Variants in ELOVL5 observed in about 807,000 individuals in gnomAD.
The protein encoded by ELOVL5 is ELOVL fatty acid elongase 5.
ELOVL5 carries 8 observed loss-of-function variants against 38.6 expected under a neutral mutation model. The ratio of observed to expected loss-of-function variants is 0.21; its 90% CI spans 0.12 to 0.37. ELOVL5 has a LOEUF of 0.37. Among genes scored for constraint, ELOVL5 ranks in the 10% least tolerant of loss-of-function variants. The pLI, the probability that ELOVL5 is intolerant of heterozygous loss-of-function variation, is 1.00. For synonymous variants in ELOVL5, 127 were observed against 133.7 expected, an observed-to-expected ratio of 0.95 and a Z score of 0.34; for missense variants, 280 against 367.8, an observed-to-expected ratio of 0.76 and a Z score of 1.95.
At chr6:53,282,779 A>G (rs893380086) in intron 3 of ELOVL5, among the ~76,000 whole-genome samples, 3 of 152,260 alleles carry the variant, frequency 2.0e-5, no homozygotes, top group Non-Finnish European at 4.4e-5. Flanking sequence ...TTTTTCAAAT[A>G]AAATTCAATA....
intron 2 of ELOVL5, among the ~76,000 whole-genome samples, chr6:53,292,292 A>T (rs1766805455): frequency 6.6e-6 from 1 of 152,256 alleles, no homozygotes; most frequent in Non-Finnish European, 1.5e-5. Flanking sequence ...ATACCAGATT[A>T]CACATAGGGT....
intron 1 of ELOVL5, among the ~76,000 whole-genome samples, chr6:53,339,387 G>C (rs1054467318): frequency 1.3e-5 from 2 of 152,138 alleles, no homozygotes; most frequent in African/African-American, 4.8e-5. Flanking sequence ...AGAGTCTAAG[G>C]ATCCTAAGAG....
At chr6:53,297,591 TTTTAC>T (rs1429422043) in intron 1 of ELOVL5, among the ~76,000 whole-genome samples, 4 of 152,194 alleles carry the variant, frequency 2.6e-5, no homozygotes, top group African/African-American at 7.2e-5. Flanking sequence ...TTCAGATAAC[TTTTAC>T]TTTACTTAAT....
At chr6:53,302,816 G>A (rs780648077) in intron 1 of ELOVL5, among the ~76,000 whole-genome samples, 5 of 152,036 alleles carry the variant, frequency 3.3e-5, no homozygotes, top group African/African-American at 1.2e-4. Context: ...CCTTTCCTGT[G>A]GTATCAGTCA....
chr6:53,315,260 CT>C (rs1252277209), intron 1 of ELOVL5, among the ~76,000 whole-genome samples: 4 of 152,134 alleles, frequency 2.6e-5, no homozygotes, highest in African/African-American at 7.2e-5. Context: ...TATAAAAATA[CT>C]GATCCCATCA....
At chr6:53,310,889 G>T (rs1459524264) in intron 1 of ELOVL5, among the ~76,000 whole-genome samples, 1 of 152,138 alleles carries the variant, frequency 6.6e-6, no homozygotes, top group South Asian at 2.1e-4. Flanking sequence ...AAGACCGTTG[G>T]TTTTTTCTGT....
At chr6:53,335,776 C>T (rs765065801) in intron 1 of ELOVL5, among the ~76,000 whole-genome samples, 13 of 152,148 alleles carry the variant, frequency 8.5e-5, no homozygotes, top group Non-Finnish European at 1.5e-4. Flanking sequence ...CCTGCAGCCA[C>T]GGGGTGATGT....
intron 1 of ELOVL5, among the ~76,000 whole-genome samples, chr6:53,335,953 C>T (rs543319606): frequency 7.2e-5 from 11 of 152,296 alleles, no homozygotes; most frequent in African/African-American, 1.2e-4. Context: ...AAGGAATTTA[C>T]GCAGGGTCAT....
At position 53,270,740 on chromosome 6, in the gene ELOVL5, A is replaced by C; in HGVS notation, c.622-13T>G. On this transcript the variant is annotated splice_polypyrimidine_tract_variant and intron_variant, in intron 6 of 7. Transcript: ENST00000304434. ...GCACAAACTGAAGCTAGGGGAACAG[A>C]GGGGATGCAGCTGAACAGGGACAGT... 1.2e-6 allele frequency: 2 copies of C among 1,614,130 alleles called. No individual in the cohort carries two copies. Among genetic ancestry groups the C allele is most frequent in the Non-Finnish European group, 1.7e-6 (2 of 1,179,998 alleles).
chr6:53,294,310 G>A, intron 2 of ELOVL5: 12 of 1,572,226 alleles, frequency 7.6e-6, no homozygotes, highest in Non-Finnish European at 1.0e-5. Context: ...AAGCAATTGT[G>A]GCCAGTGAGT....
At chr6:53,293,986 G>T in intron 2 of ELOVL5, 1 of 738,664 alleles carries the variant, frequency 1.4e-6, no homozygotes, top group Non-Finnish European at 1.8e-6. Flanking sequence ...GGCCTTGGCT[G>T]TCAATTTTAA....
At chr6:53,348,135 C>G (rs1769648754) in intron 1 of ELOVL5, among the ~76,000 whole-genome samples, 1 of 152,092 alleles carries the variant, frequency 6.6e-6, no homozygotes, top group South Asian at 2.1e-4. Flanking sequence ...CGCTTTCCCA[C>G]CAGCCTCATC....
At chr6:53,278,719 C>T (rs915687089) in intron 3 of ELOVL5, among the ~76,000 whole-genome samples, 3 of 152,168 alleles carry the variant, frequency 2.0e-5, no homozygotes, top group Non-Finnish European at 2.9e-5. Context: ...ATTCCTCTTC[C>T]ACCTGTTGAG....
chr6:53,322,707 A>T (rs1768348218), intron 1 of ELOVL5, among the ~76,000 whole-genome samples: 1 of 152,242 alleles, frequency 6.6e-6, no homozygotes, highest in Non-Finnish European at 1.5e-5. Context: ...GAATTATGTC[A>T]CACTGAAAAA....
At chr6:53,304,228 G>A (rs1767385341) in intron 1 of ELOVL5, among the ~76,000 whole-genome samples, 7 of 152,134 alleles carry the variant, frequency 4.6e-5, no homozygotes, top group Admixed American at 3.9e-4. Context: ...ACTCCACAAT[G>A]GCAGCATCCT....
At chr6:53,348,062 G>T (rs980009227) in intron 1 of ELOVL5, among the ~76,000 whole-genome samples, 1 of 125,820 alleles carries the variant, frequency 7.9e-6, no homozygotes, top group Non-Finnish European at 1.7e-5. Flanking sequence ...AACCGCTCCC[G>T]CCTCTCCAGG....
At chr6:53,311,415 T>C (rs921197513) in intron 1 of ELOVL5, among the ~76,000 whole-genome samples, 1 of 152,162 alleles carries the variant, frequency 6.6e-6, no homozygotes, top group Middle Eastern at 3.4e-3. Flanking sequence ...CTGTGGAAAA[T>C]AGTTTGGCAA....
At chr6:53,274,767 G>A (rs908201449) in intron 5 of ELOVL5, among the ~76,000 whole-genome samples, 1 of 152,106 alleles carries the variant, frequency 6.6e-6, no homozygotes, top group Non-Finnish European at 1.5e-5. Context: ...TTCCTCACCT[G>A]CCCGTCTCAA....
chr6:53,322,699 A>G (rs994691989), intron 1 of ELOVL5, among the ~76,000 whole-genome samples: 1 of 152,240 alleles, frequency 6.6e-6, no homozygotes, highest in East Asian at 1.9e-4. Flanking sequence ...CTATCTGGGA[A>G]TTATGTCACA....
Sources: allele counts gnomAD v4.1 joint callset (sites outside exome capture counted in the v4.1 genomes callset), GRCh38; gene constraint gnomAD v4.1.1; transcripts MANE v1.5; gene names NCBI Gene and HGNC (gene_info 2026-07-23, HGNC 2026-07-21).